Variants in WNK2 observed in about 807,000 individuals in gnomAD.
WNK2 encodes serine/threonine-protein kinase WNK2.
A neutral mutation model predicts 192.1 loss-of-function variants in WNK2; 67 were observed. The ratio of observed to expected loss-of-function variants is 0.35; its 90% CI spans 0.29 to 0.43. WNK2 has a LOEUF of 0.43. WNK2 is among the 20% of genes least tolerant of loss of function. The pLI, the probability that WNK2 is intolerant of heterozygous loss-of-function variation, is 1.00. For missense variants in WNK2, 2,698 were observed against 3,089.7 expected, an observed-to-expected ratio of 0.87 and a Z score of 3.01; for synonymous variants, 1,439 against 1,393.9, an observed-to-expected ratio of 1.03 and a Z score of -0.72.
At chr9:93,246,955 G>A (rs934085337) in intron 7 of WNK2, among the ~76,000 whole-genome samples, 8 of 152,254 alleles carry the variant, frequency 5.3e-5, no homozygotes, top group Non-Finnish European at 1.2e-4. Flanking sequence ...TTCTTGGCGA[G>A]CTCATGATGT....
intron 8 of WNK2, among the ~76,000 whole-genome samples, chr9:93,250,865 A>G (rs1363907583): frequency 6.7e-6 from 1 of 148,484 alleles, no homozygotes; most frequent in Non-Finnish European, 1.5e-5. Flanking sequence ...GCTCACTGCA[A>G]CCTCTGCCTC....
Position 93,185,346 on chromosome 9 carries a change from C to T in WNK2, c.417C>T (p.Pro139=). The T allele has an allele frequency of 6.5e-7, 1 of 1,548,190 alleles. No homozygotes were observed. The highest frequency in any genetic ancestry group is 8.7e-7 in the Non-Finnish European group (1 of 1,150,236). The stretch of plus-strand genomic sequence containing the variant: ...CCGCTGTCGAAACCGCGCCTGCCCC[C>T]GACGGCGGCCCCAGGGAGGAGGCGG... ...IAAAVETAPA[P]DGGPREEAAA... Residue 139 remains proline (P), a synonymous_variant, in exon 2 of 30, where the codon CCC becomes CCT. Coordinates refer to ENST00000427277, the MANE Select transcript of WNK2 (RefSeq NM_006648.4).
At chr9:93,276,016 T>C (rs1047931140) in intron 19 of WNK2, among the ~76,000 whole-genome samples, 4 of 152,218 alleles carry the variant, frequency 2.6e-5, no homozygotes. Flanking sequence ...ATAGTAAAAA[T>C]GTCACTTCTA....
intron 2 of WNK2, among the ~76,000 whole-genome samples, chr9:93,222,850 T>C (rs1273404401): frequency 1.3e-5 from 2 of 152,002 alleles, no homozygotes; most frequent in Non-Finnish European, 2.9e-5. Flanking sequence ...ACCTGGCTAA[T>C]TTTGTATTTT....
In WNK2 at chr9:93,267,847, C is replaced by T. The variant is rs375083441; in HGVS notation, c.3798C>T (p.Asp1266=). Residue 1266 remains aspartate (D), a synonymous_variant, in exon 17 of 30, where the codon GAC becomes GAT. Coordinates refer to ENST00000427277, the MANE Select transcript of WNK2 (RefSeq NM_006648.4). Reference sequence around the variant, plus strand: ...AGGACATGCTCAGCGAGGACACAGACGCCGACCGTGGCTCCGACCCAGGGA... The same window carrying T: ...AGGACATGCTCAGCGAGGACACAGATGCCGACCGTGGCTCCGACCCAGGGA... ...KAEDMLSEDT[D]ADRGSDPGTS... 51 of 1,611,892 alleles carry T rather than the reference C, an allele frequency of 3.2e-5. No individual in the cohort carries two copies. The highest frequency in any genetic ancestry group is 1.1e-4 in the African/African-American group (8 of 74,908).
At chr9:93,313,031 T>C (rs1853956951) in intron 28 of WNK2, among the ~76,000 whole-genome samples, 1 of 152,246 alleles carries the variant, frequency 6.6e-6, no homozygotes, top group Non-Finnish European at 1.5e-5. Context: ...TTTCAGCTCT[T>C]CTAGTTCCAT....
chr9:93,308,530 G>T lies in WNK2; in HGVS notation c.6462G>T (p.Lys2154Asn). ...PTLNQLKQTQ[K>N]LQDMEAQAGW... ...TCAACCAGCTGAAGCAGACCCAGAA[G>T]CTGCAAGACATGGAGGCCCAGGCAG... The change falls in exon 28 of 30, where the codon AAG (lysine) becomes AAT (asparagine). Residue 2154 changes from lysine to asparagine, a missense_variant. Around this residue, in one of 7 missense-constraint regions of WNK2, gnomAD observed 167 missense variants for 184.2 expected, o/e 0.91. Transcript: ENST00000427277. 6.2e-7 allele frequency: 1 copy of T among 1,605,638 alleles called. No individual in the cohort carries two copies. Among genetic ancestry groups the T allele is most frequent in the East Asian group, 2.2e-5 (1 of 44,492 alleles).
At chr9:93,281,229 A>G (rs528854211) in intron 19 of WNK2, among the ~76,000 whole-genome samples, 18 of 152,344 alleles carry the variant, frequency 1.2e-4, no homozygotes, top group Non-Finnish European at 2.6e-4. Flanking sequence ...AAATAAAGCT[A>G]TTAAGATCCA....
chr9:93,293,308 G>A (rs1387021029), intron 23 of WNK2, 135 bp downstream of exon 23: 1 of 808,902 alleles, frequency 1.2e-6, no homozygotes, highest in Non-Finnish European at 1.8e-6. Flanking sequence ...GCAGGGACAG[G>A]GGAGTGATGA....
rs1318349847 is a variant in WNK2, at chr9:93,185,711, G to A, written c.681+101G>A. 6 of 1,348,330 alleles carry A rather than the reference G, an allele frequency of 4.4e-6. No individual in the cohort carries two copies. The African/African-American group carries it at 7.3e-5, about 16-fold the overall frequency. The allele number at this position is 1,348,330 out of a possible 1,614,324, so 83.5% of individuals were successfully genotyped here. Reference sequence around the variant, plus strand: ...CTGCGCCTGGCCTTAAGAAGCCCTGGGGGCGGCGGGGCTCCATGTGTGTCA... The same window carrying A: ...CTGCGCCTGGCCTTAAGAAGCCCTGAGGGCGGCGGGGCTCCATGTGTGTCA... On this transcript the variant is annotated intron_variant, in intron 2 of 29. Coordinates refer to ENST00000427277, the MANE Select transcript of WNK2 (RefSeq NM_006648.4).
At chr9:93,258,703 C>T (rs991677724) in intron 11 of WNK2, among the ~76,000 whole-genome samples, 2 of 152,106 alleles carry the variant, frequency 1.3e-5, no homozygotes, top group African/African-American at 4.8e-5. Flanking sequence ...GCCAACTTTC[C>T]TTTTCTATTT....
chr9:93,200,049 G>A (rs533413732), intron 2 of WNK2, among the ~76,000 whole-genome samples: 30 of 152,186 alleles, frequency 2.0e-4, no homozygotes, highest in Non-Finnish European at 3.5e-4. Context: ...AGCAGGCGTT[G>A]CGTGGGGATG....
At chr9:93,197,287 T>C (rs540051265) in intron 2 of WNK2, among the ~76,000 whole-genome samples, 1 of 152,304 alleles carries the variant, frequency 6.6e-6, no homozygotes, top group East Asian at 1.9e-4. Flanking sequence ...CCTGCCGTGC[T>C]CCAGGCACTC....
chr9:93,212,613 G>C (rs939838849), intron 2 of WNK2, among the ~76,000 whole-genome samples: 2 of 152,314 alleles, frequency 1.3e-5, no homozygotes, highest in South Asian at 4.1e-4. Flanking sequence ...CCGGCCCCTT[G>C]CTAAGCTGCT....
At chr9:93,228,740 G>C (rs542700865) in intron 2 of WNK2, among the ~76,000 whole-genome samples, 36 of 152,274 alleles carry the variant, frequency 2.4e-4, no homozygotes, top group African/African-American at 7.7e-4. Flanking sequence ...GGCCATGCAG[G>C]CTCCCTGGAT....
intron 5 of WNK2, among the ~76,000 whole-genome samples, chr9:93,235,564 G>C (rs1588090027): frequency 6.6e-6 from 1 of 152,222 alleles, no homozygotes; most frequent in African/African-American, 2.4e-5. Flanking sequence ...TCCTCCCTCT[G>C]TGGTGGCCCC....
intron 21 of WNK2, among the ~76,000 whole-genome samples, chr9:93,290,469 T>C (rs1849171153): frequency 6.6e-6 from 1 of 152,150 alleles, no homozygotes; most frequent in Non-Finnish European, 1.5e-5. Flanking sequence ...AATTAAAACC[T>C]ACTGAGTTCT....
chr9:93,273,009 C>A (rs1564143409), intron 19 of WNK2, among the ~76,000 whole-genome samples: 1 of 152,044 alleles, frequency 6.6e-6, no homozygotes. Flanking sequence ...TACTGATGAA[C>A]TGAAAGGTCA....
At chr9:93,289,676 GC>G in intron 20 of WNK2, 56 bp downstream of exon 20, 1 of 1,415,982 alleles carries the variant, frequency 7.1e-7, no homozygotes, top group Non-Finnish European at 9.2e-7. Flanking sequence ...CGGAGCCCGG[GC>G]GCAGGCCCGG....
Sources: allele counts gnomAD v4.1 joint callset (sites outside exome capture counted in the v4.1 genomes callset), GRCh38; gene constraint gnomAD v4.1.1; regional missense constraint gnomAD v4.1.1; transcripts MANE v1.5; gene names NCBI Gene and HGNC (gene_info 2026-07-23, HGNC 2026-07-21).